TAMM41: variants seen among roughly 807,000 people sequenced by gnomAD.
TAMM41 encodes TAM41 mitochondrial translocator assembly and maintenance homolog.
TAMM41 carries 36 observed loss-of-function variants against 44.1 expected under a neutral mutation model. The observed-to-expected ratio is 0.82, with a 90% CI of 0.63 to 1.08. The LOEUF (loss-of-function observed/expected upper bound fraction) is 1.08, where lower values mean the gene tolerates loss of function less well. TAMM41 is among the 50% of genes least tolerant of loss of function. The probability of loss-of-function intolerance (pLI) is 0.00; values close to 1 mark genes in which losing one functional copy is unlikely to be tolerated. For missense variants in TAMM41, 417 were observed against 404.3 expected (o/e 1.03, Z -0.27); for synonymous variants, 164 against 153.1 (o/e 1.07, Z -0.53).
At chr3:11,752,829 A>AT in the TAMM41 span, among the ~76,000 whole-genome samples, 6 of 150,690 alleles carry the variant, frequency 4.0e-5, no homozygotes, top group Admixed American at 2.0e-4. Flanking sequence ...TTATTTTTTA[A>AT]TTTTTTGTAG....
chr3:11,781,744 A>ATAATAATAAT, the TAMM41 span, among the ~76,000 whole-genome samples: 4 of 90,076 alleles, frequency 4.4e-5, no homozygotes, highest in African/African-American at 1.8e-4. Context: ...CAAAATAATA[A>ATAATAATAAT]TAATAATAAT....
chr3:11,769,257 T>C, the TAMM41 span, among the ~76,000 whole-genome samples: 1 of 152,182 alleles, frequency 6.6e-6, no homozygotes, highest in African/African-American at 2.4e-5. Context: ...GCACAGCTAA[T>C]TTTTGTATTT....
the TAMM41 span, among the ~76,000 whole-genome samples, chr3:11,734,603 A>G: frequency 6.6e-6 from 1 of 152,178 alleles, no homozygotes; most frequent in Non-Finnish European, 1.5e-5. Flanking sequence ...GCTCTATTAC[A>G]TGCAGCTACT....
chr3:11,806,771 TA>T (rs1395595706), intron 7 of TAMM41, among the ~76,000 whole-genome samples: 4 of 151,960 alleles, frequency 2.6e-5, no homozygotes, highest in Non-Finnish European at 4.4e-5. Context: ...ATAAAACAGA[TA>T]AAAACAGACT....
chr3:11,745,173 T>A, the TAMM41 span, among the ~76,000 whole-genome samples: 1 of 152,040 alleles, frequency 6.6e-6, no homozygotes, highest in Non-Finnish European at 1.5e-5. Context: ...TACAAATAAT[T>A]TTTTAAAATT....
intron 2 of TAMM41, among the ~76,000 whole-genome samples, chr3:11,842,958 A>C (rs1040478685): frequency 6.6e-6 from 1 of 152,140 alleles, no homozygotes; most frequent in African/African-American, 2.4e-5. Context: ...GCTCTCTTGG[A>C]GACTGCGATG....
chr3:11,823,020 C>T (rs2078587253), intron 4 of TAMM41, among the ~76,000 whole-genome samples: 1 of 152,178 alleles, frequency 6.6e-6, no homozygotes, highest in African/African-American at 2.4e-5. Flanking sequence ...CCCAATTTCT[C>T]CACATTCTCA....
At chr3:11,759,880 A>T in the TAMM41 span, among the ~76,000 whole-genome samples, 1 of 152,132 alleles carries the variant, frequency 6.6e-6, no homozygotes, top group Non-Finnish European at 1.5e-5. Context: ...AGGCTGAGGC[A>T]GGAGAATCGC....
At chr3:11,781,670 G>T in the TAMM41 span, among the ~76,000 whole-genome samples, 105 of 151,796 alleles carry the variant, frequency 6.9e-4, no homozygotes, top group Admixed American at 1.8e-3. Context: ...GGGAGGTGGA[G>T]GTTGCAGTGA....
chr3:11,745,025 G>A, the TAMM41 span, among the ~76,000 whole-genome samples: 6 of 152,172 alleles, frequency 3.9e-5, no homozygotes, highest in Admixed American at 3.3e-4. Context: ...CACCACACTC[G>A]GTTAATTTTG....
chr3:11,798,002 A>C (rs896369149), intron 7 of TAMM41, among the ~76,000 whole-genome samples: 2 of 152,172 alleles, frequency 1.3e-5, no homozygotes, highest in Non-Finnish European at 2.9e-5. Flanking sequence ...AAACAACAGA[A>C]GCTGGTGAGG....
chr3:11,809,626 T>C lies in TAMM41; in HGVS notation c.765A>G (p.Leu255=). 1 of 1,614,160 alleles carries C rather than the reference T, an allele frequency of 6.2e-7. No homozygotes were observed. Among genetic ancestry groups the C allele is most frequent in the Non-Finnish European group, 8.5e-7 (1 of 1,180,032 alleles). Residue 255 remains leucine (L), a synonymous_variant, in exon 6 of 8, where the codon TTA becomes TTG. Transcript: ENST00000455809. The part of the protein sequence containing the change: ...FTQLMTLPKT[L]QQQINHIMDP... ...CCATAATATGATTTATCTGTTGCTG[T>C]AAGGTTTTGGGCAATGTCATCAGCT...
At chr3:11,806,998 G>A (rs1347745146) in intron 7 of TAMM41, among the ~76,000 whole-genome samples, 4 of 152,214 alleles carry the variant, frequency 2.6e-5, no homozygotes. Flanking sequence ...AACTATGGGT[G>A]AAGACAGACA....
chr3:11,764,634 A>C, the TAMM41 span, among the ~76,000 whole-genome samples: 3 of 151,430 alleles, frequency 2.0e-5, no homozygotes, highest in Non-Finnish European at 4.4e-5. Flanking sequence ...CTGGGACTAC[A>C]GGTGCCCGCC....
the TAMM41 span, among the ~76,000 whole-genome samples, chr3:11,761,598 T>C: frequency 6.6e-6 from 1 of 152,268 alleles, no homozygotes; most frequent in East Asian, 1.9e-4. Flanking sequence ...ATTTCTTAGC[T>C]TCCTTTCACA....
At chr3:11,824,284 G>A (rs1357252096) in intron 4 of TAMM41, among the ~76,000 whole-genome samples, 1 of 151,740 alleles carries the variant, frequency 6.6e-6, no homozygotes, top group Non-Finnish European at 1.5e-5. Flanking sequence ...TCTGCTTCCT[G>A]GGTTCAAGCT....
chr3:11,839,498 C>T (rs2079339157), intron 2 of TAMM41, among the ~76,000 whole-genome samples, 184 bp from the exon 3 acceptor site: 1 of 152,064 alleles, frequency 6.6e-6, no homozygotes, highest in South Asian at 2.1e-4. Flanking sequence ...GTTAAGTGTC[C>T]AAGACTGATT....
chr3:11,741,216 C>CAAAAAAAAAA, the TAMM41 span, among the ~76,000 whole-genome samples: 2 of 61,834 alleles, frequency 3.2e-5, no homozygotes, highest in Non-Finnish European at 5.5e-5. Flanking sequence ...GACACCGTCT[C>CAAAAAAAAAA]AAAAAAAAAA....
the TAMM41 span, among the ~76,000 whole-genome samples, chr3:11,732,627 G>A: frequency 2.6e-5 from 4 of 152,220 alleles, no homozygotes; most frequent in South Asian, 4.1e-4. Flanking sequence ...ACAGGGTGAC[G>A]GGTTGTGACA....
Sources: gnomAD v4.1 joint callset for allele counts (sites outside exome capture counted in the v4.1 genomes callset) on GRCh38, gnomAD v4.1.1 for gene constraint, MANE v1.5 for transcripts, NCBI Gene and HGNC (gene_info 2026-07-23, HGNC 2026-07-21) for gene names.